TFEB: variants seen among roughly 807,000 people sequenced by gnomAD.
The protein encoded by TFEB is transcription factor EB.
TFEB carries 12 observed loss-of-function variants against 48.0 expected under a neutral mutation model. The ratio of observed to expected loss-of-function variants is 0.25; its 90% CI spans 0.16 to 0.40. TFEB has a LOEUF of 0.40. Ranked by LOEUF, TFEB falls within the 10% of genes least tolerant of loss-of-function variation. TFEB has a pLI of 1.00. For synonymous variants in TFEB, 244 were observed against 261.4 expected, an observed-to-expected ratio of 0.93 and a Z score of 0.64; for missense variants, 509 against 640.3, an observed-to-expected ratio of 0.79 and a Z score of 2.21.
chr6:41,731,145 AT>A (rs1771432505), intron 1 of TFEB, among the ~76,000 whole-genome samples: 1 of 152,212 alleles, frequency 6.6e-6, no homozygotes, highest in South Asian at 2.1e-4. Flanking sequence ...GTGCATCAAT[AT>A]CGGCATACTC....
At chr6:41,698,314 T>G (rs1274946328) in intron 1 of TFEB, among the ~76,000 whole-genome samples, 1 of 152,148 alleles carries the variant, frequency 6.6e-6, no homozygotes, top group Non-Finnish European at 1.5e-5. Context: ...AGTCCTGCAT[T>G]CAGGGTGAGG....
At chr6:41,714,537 G>A (rs1354224585) in intron 1 of TFEB, among the ~76,000 whole-genome samples, 4 of 152,152 alleles carry the variant, frequency 2.6e-5, no homozygotes, top group South Asian at 2.1e-4. Context: ...TCAGAGGTGC[G>A]GCCTTGATGG....
chr6:41,690,950 A>G, intron 2 of TFEB, 33 bp from the exon 3 acceptor site: 1 of 1,546,200 alleles, frequency 6.5e-7, no homozygotes, highest in East Asian at 2.3e-5. Flanking sequence ...GCTCTAGGGG[A>G]GGCTGGGACT....
Position 41,735,389 on chromosome 6 carries a change from C to G in TFEB, c.-62G>C. 1 of 985,740 alleles carries G rather than the reference C, an allele frequency of 1.0e-6. No individual in the cohort carries two copies. The highest frequency in any genetic ancestry group is 1.7e-5 in the African/African-American group (1 of 57,324). 61.1% of individuals were successfully genotyped at this position (985,740 alleles called of 1,614,324 possible). A position where few individuals can be genotyped will look rare whatever the true frequency, so the allele number is the denominator to read the frequency against. On this transcript the variant is annotated 5_prime_UTR_variant, in exon 1 of 9. Coordinates refer to ENST00000373033, the MANE Select transcript of TFEB (RefSeq NM_001271944.2). ...CAATCTGTCCGCCGCCCGCGCCCCG[C>G]GGCTCCGGCAACTTGTCGCAAGTTC...
At chr6:41,704,716 C>G (rs939791874) in intron 1 of TFEB, among the ~76,000 whole-genome samples, 2 of 152,206 alleles carry the variant, frequency 1.3e-5, no homozygotes, top group Admixed American at 1.3e-4. Flanking sequence ...TGGTTCCAAG[C>G]ATGAAAATTG....
At chr6:41,707,653 G>A (rs1770296811) in intron 1 of TFEB, among the ~76,000 whole-genome samples, 2 of 152,352 alleles carry the variant, frequency 1.3e-5, no homozygotes, top group South Asian at 4.1e-4. Flanking sequence ...CTGAAGCTGG[G>A]AGGGCTGGGG....
At chr6:41,729,081 G>C (rs113070576) in intron 1 of TFEB, among the ~76,000 whole-genome samples, 1 of 151,680 alleles carries the variant, frequency 6.6e-6, no homozygotes, top group East Asian at 1.9e-4. Flanking sequence ...CACCAATCTC[G>C]CCCCCACTCC....
chr6:41,696,422 G>A (rs1429940506), intron 1 of TFEB, among the ~76,000 whole-genome samples: 2 of 152,194 alleles, frequency 1.3e-5, no homozygotes, highest in Non-Finnish European at 2.9e-5. Flanking sequence ...GCCAGGCATG[G>A]TGGTTCACAC....
At chr6:41,722,408 C>G (rs982416395) in intron 1 of TFEB, among the ~76,000 whole-genome samples, 2 of 152,244 alleles carry the variant, frequency 1.3e-5, no homozygotes, top group Non-Finnish European at 2.9e-5. Context: ...CCTCACACCC[C>G]TCCCAGCAGA....
chr6:41,735,078 T>C, intron 1 of TFEB: 1 of 984,010 alleles, frequency 1.0e-6, no homozygotes, highest in Non-Finnish European at 1.2e-6. Context: ...CCCGGTTACA[T>C]AAGGTCGCGG....
At position 41,723,659 on chromosome 6, in the gene TFEB, A is replaced by T. The variant is rs771340620; in HGVS notation, c.-23+11691T>A. The T allele has an allele frequency of 3.3e-5, 23 of 699,974 alleles. No individual in the cohort carries two copies. The highest frequency in any genetic ancestry group is 4.5e-5 in the Non-Finnish European group (22 of 487,534). 43.4% of individuals were successfully genotyped at this position (699,974 alleles called of 1,614,324 possible). On this transcript the variant is annotated intron_variant, in intron 1 of 8. Coordinates refer to ENST00000373033, the MANE Select transcript of TFEB (RefSeq NM_001271944.2). The surrounding 1 kb of genome is among the most constrained non-coding windows in gnomAD (Gnocchi z 6.0). ...CCCCTGGGAGCTGCAAATGCGGCCGAGGATTACTCACAGCACAGAGGGAAC... is the reference window on the plus strand; with the variant it reads ...CCCCTGGGAGCTGCAAATGCGGCCGTGGATTACTCACAGCACAGAGGGAAC...
intron 8 of TFEB, among the ~76,000 whole-genome samples, 189 bp from the exon 9 acceptor site, chr6:41,685,267 A>G (rs1256442873): frequency 1.3e-5 from 2 of 152,212 alleles, no homozygotes; most frequent in African/African-American, 4.8e-5. Flanking sequence ...TACAAGTCGT[A>G]ACTCATTAGT....
chr6:41,715,811 A>C (rs1024076439), intron 1 of TFEB, among the ~76,000 whole-genome samples: 3 of 152,194 alleles, frequency 2.0e-5, no homozygotes, highest in African/African-American at 7.2e-5. Context: ...GGCGTTCAGG[A>C]AGATTAAGTG....
At chr6:41,704,805 C>A (rs1207010642) in intron 1 of TFEB, among the ~76,000 whole-genome samples, 2 of 152,220 alleles carry the variant, frequency 1.3e-5, no homozygotes, top group East Asian at 1.9e-4. Flanking sequence ...CAGGCAGGGC[C>A]CTTCTGAGCC....
chr6:41,735,590 G>T lies in TFEB; in HGVS notation c.-263C>A. On this transcript the variant is annotated 5_prime_UTR_variant, in exon 1 of 9. Transcript: ENST00000373033. Reference sequence around the variant, plus strand: ...ACCGAGCCCCGCGCCCGGCGCCCGGGCTCCGGCTGTCACTCCACGCACACT... The same window carrying T: ...ACCGAGCCCCGCGCCCGGCGCCCGGTCTCCGGCTGTCACTCCACGCACACT... The T allele has an allele frequency of 2.0e-6, 2 of 981,954 alleles. No individual in the cohort carries two copies. The highest frequency in any genetic ancestry group is 2.4e-6 in the Non-Finnish European group (2 of 827,028). 60.8% of individuals were successfully genotyped at this position (981,954 alleles called of 1,614,324 possible). A position where few individuals can be genotyped will look rare whatever the true frequency, so the allele number is the denominator to read the frequency against.
intron 8 of TFEB, among the ~76,000 whole-genome samples, chr6:41,685,589 C>G (rs1304221691): frequency 1.3e-5 from 2 of 152,200 alleles, no homozygotes; most frequent in Admixed American, 6.5e-5. Context: ...ACTCTCAGTT[C>G]CAGCTGGTAG....
In TFEB at chr6:41,716,967, A is replaced by C. The variant is rs1377377564; in HGVS notation, c.-23+18383T>G. Among the ~76,000 whole-genome samples, 3 of 152,192 alleles carry C rather than the reference A, an allele frequency of 2.0e-5. No homozygotes were observed. In the East Asian group the frequency reaches 5.8e-4, roughly 29 times the overall value. On this transcript the variant is annotated intron_variant, in intron 1 of 8. Coordinates refer to ENST00000373033, the MANE Select transcript of TFEB (RefSeq NM_001271944.2). ...CCGCGTGCACCCTACATCACAAGCC[A>C]GGTGACCGGCCACCCTCCATGAAGG...
intron 1 of TFEB, among the ~76,000 whole-genome samples, chr6:41,721,066 C>T (rs139602152): frequency 3.2e-4 from 49 of 152,122 alleles, no homozygotes; most frequent in African/African-American, 1.2e-3. Context: ...AGGCATCACC[C>T]CCTCTCATCG....
At chr6:41,708,635 T>C (rs1770346146) in intron 1 of TFEB, among the ~76,000 whole-genome samples, 1 of 152,242 alleles carries the variant, frequency 6.6e-6, no homozygotes, top group African/African-American at 2.4e-5. Context: ...ACTCTACCAC[T>C]GGTGCTCCCT....
Sources: gnomAD v4.1 joint callset for allele counts (sites outside exome capture counted in the v4.1 genomes callset) on GRCh38, gnomAD v4.1.1 for gene constraint, Gnocchi (gnomAD v3.1) non-coding constraint, MANE v1.5 for transcripts, NCBI Gene and HGNC (gene_info 2026-07-23, HGNC 2026-07-21) for gene names.